RASGRP3: variants seen among roughly 807,000 people sequenced by gnomAD.
RASGRP3 encodes ras guanyl-releasing protein 3.
In RASGRP3, 54 loss-of-function variants were observed where a neutral mutation model predicts 82.7. The observed-to-expected ratio is 0.65, with a 90% CI of 0.52 to 0.82. The LOEUF (loss-of-function observed/expected upper bound fraction) is 0.82, where lower values mean the gene tolerates loss of function less well. Ranked by LOEUF, RASGRP3 falls within the 40% of genes least tolerant of loss-of-function variation. The pLI is 0.00. For missense variants in RASGRP3, 861 were observed against 828.9 expected, an observed-to-expected ratio of 1.04 and a Z score of -0.48; for synonymous variants, 309 against 300.5, an observed-to-expected ratio of 1.03 and a Z score of -0.29.
At chr2:33,528,269 G>A (rs1281021567) in intron 10 of RASGRP3, among the ~76,000 whole-genome samples, 1 of 152,200 alleles carries the variant, frequency 6.6e-6, no homozygotes, top group East Asian at 1.9e-4. Flanking sequence ...CTCAATAAAT[G>A]AACTGCATGC....
chr2:33,559,668 G>A (rs1428007581), intron 17 of RASGRP3: 4 of 515,080 alleles, frequency 7.8e-6, no homozygotes, highest in South Asian at 2.8e-5. Flanking sequence ...AGTCTATAGT[G>A]TATTAAGAGA....
At chr2:33,557,947 G>A in intron 15 of RASGRP3, among the ~76,000 whole-genome samples, 1 of 152,042 alleles carries the variant, frequency 6.6e-6, no homozygotes, top group Non-Finnish European at 1.5e-5. Flanking sequence ...TTACTCCCTA[G>A]GCACAATTGC....
chr2:33,439,836 G>A (rs910751657), intron 1 of RASGRP3, among the ~76,000 whole-genome samples: 2 of 152,160 alleles, frequency 1.3e-5, no homozygotes, highest in African/African-American at 2.4e-5. Flanking sequence ...CCGATGAGAA[G>A]TTCTGAAAAG....
chr2:33,452,764 T>A (rs1160064884), intron 2 of RASGRP3, among the ~76,000 whole-genome samples: 4 of 152,250 alleles, frequency 2.6e-5, no homozygotes, highest in Non-Finnish European at 5.9e-5. Context: ...GACATGCCTC[T>A]GGGTGTAGAG....
chr2:33,502,101 A>T (rs1376127300), intron 1 of RASGRP3, among the ~76,000 whole-genome samples: 6 of 152,182 alleles, frequency 3.9e-5, no homozygotes, highest in African/African-American at 1.2e-4. Context: ...GATGGCCAGT[A>T]GAGGGTTGCT....
rs191379823 is a variant in RASGRP3 at position 33,507,143 on chromosome 2, T to C, written c.-260-4567T>C. On this transcript the variant is annotated intron_variant, in intron 1 of 17. Coordinates refer to ENST00000403687, the MANE Select transcript of RASGRP3 (RefSeq NM_001139488.2). ...AGGCACAGTGGCTCACACATGTAAT[T>C]CCAGCACTTTGGGAGGCCAAGGTGG... Among the ~76,000 whole-genome samples, 51 of 152,216 alleles carry C rather than the reference T, an allele frequency of 3.4e-4. No homozygotes were observed. In the Middle Eastern group the frequency reaches 0.017, roughly 51 times the overall value.
At chr2:33,523,677 T>C (rs1313371103) in intron 7 of RASGRP3, among the ~76,000 whole-genome samples, 3 of 151,944 alleles carry the variant, frequency 2.0e-5, no homozygotes, top group Admixed American at 1.3e-4. Context: ...TTGCGTGGGG[T>C]GAGTAGTGGG....
intron 9 of RASGRP3, among the ~76,000 whole-genome samples, 197 bp downstream of exon 9, chr2:33,524,745 G>A (rs1672357277): frequency 6.6e-6 from 1 of 152,106 alleles, no homozygotes; most frequent in Admixed American, 6.6e-5. Context: ...TGGAGGTGGT[G>A]GTAAGTGTCC....
intron 1 of RASGRP3, among the ~76,000 whole-genome samples, chr2:33,491,107 G>C (rs1465316793): frequency 1.3e-5 from 2 of 152,120 alleles, no homozygotes; most frequent in Non-Finnish European, 1.5e-5. Context: ...CTTGAGGCCG[G>C]GAGTTTGAGA....
chr2:33,469,489 C>G (rs1441481707), intron 2 of RASGRP3, among the ~76,000 whole-genome samples: 1 of 146,910 alleles, frequency 6.8e-6, no homozygotes, highest in Non-Finnish European at 1.5e-5. Flanking sequence ...GACATGGAGT[C>G]TCATTCTGTT....
intron 6 of RASGRP3, 148 bp downstream of exon 6, chr2:33,520,832 G>A (rs566189260): frequency 5.4e-5 from 56 of 1,041,858 alleles, no homozygotes; most frequent in East Asian, 7.3e-5. Flanking sequence ...AGCGCAAGCC[G>A]TATGGGACAC....
intron 1 of RASGRP3, among the ~76,000 whole-genome samples, chr2:33,437,978 T>A (rs1665015775): frequency 6.6e-6 from 1 of 152,232 alleles, no homozygotes; most frequent in South Asian, 2.1e-4. Flanking sequence ...CAGAGTGGAC[T>A]CTAAGGTGAC....
At chr2:33,537,312 A>ACACC (rs1673714139) in intron 11 of RASGRP3, among the ~76,000 whole-genome samples, 3 of 48,794 alleles carry the variant, frequency 6.1e-5, no homozygotes, top group Non-Finnish European at 7.4e-5. Flanking sequence ...AAATACACAC[A>ACACC]CACACACACC....
intron 17 of RASGRP3, chr2:33,559,549 C>T: frequency 2.0e-6 from 1 of 510,304 alleles, no homozygotes; most frequent in South Asian, 1.4e-5. Context: ...GGCTCTGCCT[C>T]CGCATGAGCA....
At chr2:33,444,112 G>A (rs1473798897) in intron 1 of RASGRP3, among the ~76,000 whole-genome samples, 2 of 152,006 alleles carry the variant, frequency 1.3e-5, no homozygotes, top group African/African-American at 4.8e-5. Context: ...AGAACAGCCT[G>A]GGCAGCATGG....
chr2:33,521,327 G>C (rs548145501), intron 6 of RASGRP3, among the ~76,000 whole-genome samples: 73 of 152,284 alleles, frequency 4.8e-4, no homozygotes, highest in African/African-American at 1.6e-3. Flanking sequence ...ACTATTTGAT[G>C]ATCCTAAATA....
intron 1 of RASGRP3, among the ~76,000 whole-genome samples, chr2:33,437,816 A>G (rs1371625821): frequency 1.3e-5 from 2 of 152,132 alleles, no homozygotes; most frequent in African/African-American, 4.8e-5. Context: ...TCTTAGCTGA[A>G]CTTAAGTGGT....
chr2:33,557,671 C>G (rs963432189), intron 15 of RASGRP3, among the ~76,000 whole-genome samples: 1 of 150,686 alleles, frequency 6.6e-6, no homozygotes, highest in Non-Finnish European at 1.5e-5. Context: ...GATCCCGCCA[C>G]TGCACTCCAG....
At chr2:33,504,392 G>A (rs901256031) in intron 1 of RASGRP3, among the ~76,000 whole-genome samples, 10 of 152,224 alleles carry the variant, frequency 6.6e-5, no homozygotes, top group South Asian at 2.1e-4. Flanking sequence ...TATGTCTCCC[G>A]CATGGGATTG....
Sources: allele counts gnomAD v4.1 joint callset (sites outside exome capture counted in the v4.1 genomes callset), GRCh38; gene constraint gnomAD v4.1.1; transcripts MANE v1.5; gene names NCBI Gene and HGNC (gene_info 2026-07-23, HGNC 2026-07-21).